Variants in CLN8 observed in about 807,000 individuals in gnomAD.
The protein encoded by CLN8 is CLN8 transmembrane ER and ERGIC protein.
A neutral mutation model predicts 15.7 loss-of-function variants in CLN8; 14 were observed. The observed-to-expected ratio is 0.89, with a 90% CI of 0.59 to 1.39. The LOEUF (loss-of-function observed/expected upper bound fraction) is 1.39, where lower values mean the gene tolerates loss of function less well. Among genes scored for constraint, CLN8 ranks in the 40% most tolerant of loss-of-function variants. The probability of loss-of-function intolerance (pLI) is 0.00; values close to 1 mark genes in which losing one functional copy is unlikely to be tolerated. For missense variants in CLN8, 415 were observed against 364.0 expected (o/e 1.14, Z -1.14); for synonymous variants, 188 against 151.0 (o/e 1.25, Z -1.80).
intron 2 of CLN8, among the ~76,000 whole-genome samples, chr8:1,775,535 G>A (rs557481765): frequency 8.0e-4 from 122 of 152,320 alleles, no homozygotes; most frequent in African/African-American, 2.8e-3. Flanking sequence ...CGGTTCTCAA[G>A]CTTTGAGTTT....
At chr8:1,776,299 CAT>C (rs1297551066) in intron 2 of CLN8, among the ~76,000 whole-genome samples, 4 of 152,262 alleles carry the variant, frequency 2.6e-5, no homozygotes, top group South Asian at 2.1e-4. Context: ...CTCCAGTACA[CAT>C]GTGATGACAG....
intron 1 of CLN8, among the ~76,000 whole-genome samples, chr8:1,768,438 C>T (rs1200064095): frequency 6.6e-6 from 1 of 152,206 alleles, no homozygotes; most frequent in Non-Finnish European, 1.5e-5. Flanking sequence ...GCAGAGCCTT[C>T]TGGAGTCGGG....
chr8:1,770,255 G>T (rs1223372883), intron 1 of CLN8, among the ~76,000 whole-genome samples: 1 of 152,194 alleles, frequency 6.6e-6, no homozygotes, highest in Non-Finnish European at 1.5e-5. Context: ...GACTTTTCCA[G>T]GAGAGGGCCC....
Position 1,780,950 on chromosome 8 carries a change from G to A in CLN8, c.*383G>A. On this transcript the variant is annotated 3_prime_UTR_variant, in exon 3 of 3. Coordinates refer to ENST00000331222, the MANE Select transcript of CLN8 (RefSeq NM_018941.4). ...GGGTCAGCGTTGACTCTTTCCAGCT[G>A]CACACTCATATGCCGTGTGTCTTAT... 1 of 297,770 alleles carries A rather than the reference G, an allele frequency of 3.4e-6. No individual in the cohort carries two copies. The highest frequency in any genetic ancestry group is 6.3e-6 in the Non-Finnish European group (1 of 157,890). The allele number at this position is 297,770 out of a possible 1,614,324, so 18.4% of individuals were successfully genotyped here.
intron 2 of CLN8, 123 bp from the exon 3 acceptor site, chr8:1,780,127 T>G: frequency 6.4e-7 from 1 of 1,559,190 alleles, no homozygotes; most frequent in Non-Finnish European, 8.7e-7. Context: ...GGGAGGAAAT[T>G]CTTTTGCTTT....
upstream of CLN8, among the ~76,000 whole-genome samples, chr8:1,761,716 G>C (rs879406491): frequency 7.9e-5 from 12 of 152,242 alleles, no homozygotes; most frequent in Admixed American, 2.0e-4. Context: ...AAATCGTATG[G>C]ATCAAAGCTG....
chr8:1,775,484 C>G (rs1801476925), intron 2 of CLN8, among the ~76,000 whole-genome samples: 1 of 152,204 alleles, frequency 6.6e-6, no homozygotes, highest in Admixed American at 6.5e-5. Context: ...GTGACTTTGA[C>G]TACAAAAATT....
At chr8:1,763,281 C>T (rs1173882488), upstream of CLN8, 1 of 151,492 alleles carries the variant, frequency 6.6e-6, no homozygotes, top group Non-Finnish European at 1.5e-5. Context: ...ACCAGGCTGC[C>T]CGCGGAGCCC....
chr8:1,775,965 C>T (rs373055046), intron 2 of CLN8, among the ~76,000 whole-genome samples: 8 of 152,152 alleles, frequency 5.3e-5, no homozygotes, highest in African/African-American at 1.4e-4. Context: ...GCGGCACACA[C>T]GACAGAAGAT....
chr8:1,767,781 C>T (rs1301199690), intron 1 of CLN8, among the ~76,000 whole-genome samples: 1 of 151,762 alleles, frequency 6.6e-6, no homozygotes, highest in Non-Finnish European at 1.5e-5. Flanking sequence ...CCATGTTGGC[C>T]AGGCTGGTCT....
chr8:1,773,015 T>C, intron 2 of CLN8: 1 of 398,490 alleles, frequency 2.5e-6, no homozygotes, highest in Non-Finnish European at 4.4e-6. Context: ...CCATCAAAAG[T>C]GCACTGCAGT....
At position 1,757,558 on chromosome 8, in the gene CLN8, A is replaced by C. The variant is rs1362945076; in HGVS notation, c.-124+1476A>C. 2.0e-5 allele frequency among the ~76,000 whole-genome samples: 3 copies of C among 152,124 alleles called. No individual in the cohort carries two copies. The East Asian group carries it at 5.8e-4, about 29-fold the overall frequency. On this transcript the variant is annotated intron_variant, in intron 1 of 1. Coordinates refer to the CLN8 transcript ENST00000524258. ...CAGGTTCATGTAATTCTCCTGCCTC[A>C]GCCTCCCAAATTGCTGGAATTACAG...
At chr8:1,767,977 C>A (rs189189023) in intron 1 of CLN8, among the ~76,000 whole-genome samples, 28 of 151,210 alleles carry the variant, frequency 1.9e-4, no homozygotes, top group African/African-American at 6.6e-4. Context: ...GAGTTTTGCT[C>A]TGTTGCCCAG....
Position 1,770,928 on chromosome 8 carries a change from T to G in CLN8, c.-123-4T>G. 1.2e-6 allele frequency: 1 copy of G among 827,392 alleles called. No individual in the cohort carries two copies. The highest frequency in any genetic ancestry group is 2.0e-6 in the Non-Finnish European group (1 of 497,666). 51.3% of individuals were successfully genotyped at this position (827,392 alleles called of 1,614,324 possible). ...CAACACAAAATGAATGATCTTTCTTTTAGATTGAAGATGGATACGTGACAA... is the reference window on the plus strand; with the variant it reads ...CAACACAAAATGAATGATCTTTCTTGTAGATTGAAGATGGATACGTGACAA... On this transcript the variant is annotated splice_region_variant and splice_polypyrimidine_tract_variant and intron_variant, in intron 1 of 2. Coordinates refer to ENST00000331222, the MANE Select transcript of CLN8 (RefSeq NM_018941.4).
chr8:1,770,898 C>G (rs1039856226), intron 1 of CLN8, 34 bp from the exon 2 acceptor site: 1 of 691,360 alleles, frequency 1.4e-6, no homozygotes, highest in African/African-American at 1.8e-5. Flanking sequence ...TTGTTTCTAT[C>G]GAGTCAACAC....
rs1308816139 is a variant in CLN8, at chr8:1,781,959, G to GTA, written c.*1393_*1394insAT. Reference sequence around the variant, plus strand: ...TGTTAACAGACATACAGAATTGTGTGTGTGTGTGTGTGTGTGTGTGTGAGT... The same window carrying GTA: ...TGTTAACAGACATACAGAATTGTGTGTATGTGTGTGTGTGTGTGTGTGTGAGT... On this transcript the variant is annotated 3_prime_UTR_variant, in exon 3 of 3. Coordinates refer to ENST00000331222, the MANE Select transcript of CLN8 (RefSeq NM_018941.4). 25 of 151,612 alleles carry GTA rather than the reference G, an allele frequency of 1.6e-4. No homozygotes were observed. The highest frequency in any genetic ancestry group is 5.6e-4 in the African/African-American group (23 of 41,304). 9.4% of individuals were successfully genotyped at this position (151,612 alleles called of 1,614,324 possible). A position where few individuals can be genotyped will look rare whatever the true frequency, so the allele number is the denominator to read the frequency against.
At chr8:1,757,784 A>C (rs1800706140) in intron 1 of CLN8, among the ~76,000 whole-genome samples, 1 of 152,148 alleles carries the variant, frequency 6.6e-6, no homozygotes. Flanking sequence ...TTGTTATGCC[A>C]ATGGCTTCGT....
In CLN8 at chr8:1,774,816, G is replaced by A. The variant is rs185735008; in HGVS notation, c.543+3219G>A. On this transcript the variant is annotated intron_variant, in intron 2 of 2. Transcript: ENST00000331222. ...AAGACCAGCAACATGGCAAAACCTC[G>A]TCTCCACAAAAAATACAAACATTAA... 3.8e-3 allele frequency among the ~76,000 whole-genome samples: 578 copies of A among 152,202 alleles called. 3 individuals are homozygous for A. The highest frequency in any genetic ancestry group is 4.8e-3 in the Non-Finnish European group (326 of 68,010).
intron 2 of CLN8, chr8:1,779,939 AT>A (rs1801656557): frequency 9.1e-6 from 9 of 985,160 alleles, no homozygotes; most frequent in Non-Finnish European, 8.4e-6. Flanking sequence ...TAAAACAAAG[AT>A]TGAAGGGATA....
Sources: gnomAD v4.1 joint callset for allele counts (sites outside exome capture counted in the v4.1 genomes callset) on GRCh38, gnomAD v4.1.1 for gene constraint, MANE v1.5 for transcripts, NCBI Gene and HGNC (gene_info 2026-07-23, HGNC 2026-07-21) for gene names.